LRFN2: variants seen among roughly 807,000 people sequenced by gnomAD.
The protein encoded by LRFN2 is leucine rich repeat and fibronectin type III domain containing 2.
Under a neutral mutation model 37.3 loss-of-function variants are expected in LRFN2, and 18 were observed. The ratio of observed to expected loss-of-function variants is 0.48; its 90% CI spans 0.33 to 0.72. The LOEUF (loss-of-function observed/expected upper bound fraction) is 0.72. Ranked by LOEUF, LRFN2 falls within the 30% of genes least tolerant of loss-of-function variation. The pLI, the probability that LRFN2 is intolerant of heterozygous loss-of-function variation, is 0.02. For synonymous variants in LRFN2, 556 were observed against 466.6 expected (o/e 1.19, Z -2.47); for missense variants, 1,006 against 1,060.7 (o/e 0.95, Z 0.72).
intron 2 of LRFN2, among the ~76,000 whole-genome samples, chr6:40,429,805 G>A (rs1209262738): frequency 6.6e-6 from 1 of 152,144 alleles, no homozygotes; most frequent in Non-Finnish European, 1.5e-5. Context: ...CATAATAGGA[G>A]ATTAGTTAAA....
chr6:40,496,453 A>T (rs1462542381), intron 1 of LRFN2, among the ~76,000 whole-genome samples: 2 of 151,292 alleles, frequency 1.3e-5, no homozygotes, highest in African/African-American at 4.9e-5. Flanking sequence ...GTCTCTGCCT[A>T]TTCATTTTCC....
intron 1 of LRFN2, among the ~76,000 whole-genome samples, chr6:40,522,521 G>T (rs1252517942): frequency 6.6e-6 from 1 of 152,186 alleles, no homozygotes; most frequent in Admixed American, 6.5e-5. Context: ...ACAGCTCTAA[G>T]AGGACAACTG....
chr6:40,537,197 C>T (rs547534626), intron 1 of LRFN2, among the ~76,000 whole-genome samples: 65 of 152,264 alleles, frequency 4.3e-4, no homozygotes, highest in African/African-American at 1.4e-3. Flanking sequence ...CAGCATAGTC[C>T]GCAGCACCCA....
At chr6:40,515,910 A>G (rs915353879) in intron 1 of LRFN2, among the ~76,000 whole-genome samples, 2 of 151,576 alleles carry the variant, frequency 1.3e-5, no homozygotes, top group Non-Finnish European at 2.9e-5. Flanking sequence ...AAAAAAAAAA[A>G]AAAAGAAGTC....
intron 1 of LRFN2, among the ~76,000 whole-genome samples, chr6:40,456,452 G>A (rs1764237627): frequency 6.6e-6 from 1 of 152,210 alleles, no homozygotes; most frequent in Non-Finnish European, 1.5e-5. Flanking sequence ...TCCTAAGCCT[G>A]AAGTAGCCTA....
chr6:40,430,126 T>C (rs1763445487), intron 2 of LRFN2, among the ~76,000 whole-genome samples: 1 of 152,224 alleles, frequency 6.6e-6, no homozygotes, highest in Admixed American at 6.5e-5. Context: ...TATATTCCTA[T>C]ATATGTGCAC....
At chr6:40,444,925 T>C (rs1156813121) in intron 1 of LRFN2, among the ~76,000 whole-genome samples, 1 of 151,832 alleles carries the variant, frequency 6.6e-6, no homozygotes, top group African/African-American at 2.4e-5. Flanking sequence ...TTACCTCCAG[T>C]CTCCTCCCTG....
At position 40,391,721 on chromosome 6, in the gene LRFN2, C is replaced by T. The variant is rs1185938916; in HGVS notation, c.*222G>A. 2 of 440,838 alleles carry T rather than the reference C, an allele frequency of 4.5e-6. No homozygotes were observed. Among genetic ancestry groups the T allele is most frequent in the Admixed American group, 8.1e-5 (2 of 24,600 alleles). The allele number at this position is 440,838 out of a possible 1,614,324, so 27.3% of individuals were successfully genotyped here. A position where few individuals can be genotyped will look rare whatever the true frequency, so the allele number is the denominator to read the frequency against. On this transcript the variant is annotated 3_prime_UTR_variant, in exon 3 of 3. Coordinates refer to ENST00000338305, the MANE Select transcript of LRFN2 (RefSeq NM_020737.3). ...CCTTTCCAAACACTCAGGGCTCAGT[C>T]CGGCATTTGAGCGAGTCCACATTCC...
chr6:40,520,348 G>T (rs543702604), intron 1 of LRFN2, among the ~76,000 whole-genome samples: 14 of 152,206 alleles, frequency 9.2e-5, no homozygotes, highest in African/African-American at 1.4e-4. Flanking sequence ...CAGGGAGGGG[G>T]AGCAAGCATG....
At chr6:40,482,288 G>A (rs930249246) in intron 1 of LRFN2, among the ~76,000 whole-genome samples, 7 of 152,160 alleles carry the variant, frequency 4.6e-5, no homozygotes, top group Non-Finnish European at 7.3e-5. Context: ...AACCAGACCC[G>A]GATGACAAGT....
chr6:40,534,085 G>A (rs550585789), intron 1 of LRFN2, among the ~76,000 whole-genome samples: 1 of 152,212 alleles, frequency 6.6e-6, no homozygotes, highest in African/African-American at 2.4e-5. Context: ...TGCCCACAGG[G>A]ACACAGCTGG....
intron 1 of LRFN2, among the ~76,000 whole-genome samples, chr6:40,507,101 C>A (rs1765564578): frequency 6.6e-6 from 1 of 152,204 alleles, no homozygotes; most frequent in Non-Finnish European, 1.5e-5. Flanking sequence ...GGATGACGTC[C>A]TCCGCCCTTG....
intron 1 of LRFN2, chr6:40,516,466 G>T: frequency 6.6e-6 from 1 of 152,392 alleles, no homozygotes. Context: ...AAAGGATGCA[G>T]TTTTCAGCCA....
intron 1 of LRFN2, among the ~76,000 whole-genome samples, chr6:40,526,594 C>A (rs1254942932): frequency 3.3e-5 from 5 of 152,200 alleles, no homozygotes. Context: ...CTGACTCCCA[C>A]TCTCTGTCCA....
chr6:40,558,962 A>G (rs1178798823), intron 1 of LRFN2, among the ~76,000 whole-genome samples: 1 of 152,172 alleles, frequency 6.6e-6, no homozygotes, highest in African/African-American at 2.4e-5. Flanking sequence ...TGTGAGCACT[A>G]AGCTGAAGGA....
intron 1 of LRFN2, among the ~76,000 whole-genome samples, chr6:40,499,691 C>T (rs544305270): frequency 6.6e-6 from 1 of 152,162 alleles, no homozygotes; most frequent in East Asian, 1.9e-4. Context: ...GGGTCTGCTG[C>T]CTGACACCGC....
chr6:40,574,428 A>G (rs577911776), intron 1 of LRFN2, among the ~76,000 whole-genome samples: 1 of 152,246 alleles, frequency 6.6e-6, no homozygotes, highest in South Asian at 2.1e-4. Context: ...CCTCTCACAT[A>G]TCAACTGCTC....
At chr6:40,450,588 T>C (rs1414179274) in intron 1 of LRFN2, among the ~76,000 whole-genome samples, 1 of 152,318 alleles carries the variant, frequency 6.6e-6, no homozygotes, top group Non-Finnish European at 1.5e-5. Flanking sequence ...GCAGTGTTTG[T>C]CCAGTGTCCA....
chr6:40,419,051 G>A (rs75804413), intron 2 of LRFN2, among the ~76,000 whole-genome samples: 21,188 of 152,140 alleles, frequency 0.14, 1,649 homozygotes, highest in African/African-American at 0.21. Context: ...CAAGGGGCAG[G>A]GTCTTGCACT....
Sources: gnomAD v4.1 joint callset for allele counts (sites outside exome capture counted in the v4.1 genomes callset) on GRCh38, gnomAD v4.1.1 for gene constraint, MANE v1.5 for transcripts, NCBI Gene and HGNC (gene_info 2026-07-23, HGNC 2026-07-21) for gene names.